The following LRIF1 variants were observed in gnomAD, a reference collection of about 807,000 sequenced individuals.
The protein encoded by LRIF1 is ligand dependent nuclear receptor interacting factor 1, also known as ligand-dependent nuclear receptor-interacting factor 1.
Under a neutral mutation model 52.7 loss-of-function variants are expected in LRIF1, and 32 were observed. That is an observed-to-expected ratio of 0.61 (90% CI 0.46 to 0.82). The LOEUF is 0.82. Ranked by LOEUF, LRIF1 falls within the 40% of genes least tolerant of loss-of-function variation. LRIF1 has a pLI of 0.00. For synonymous variants in LRIF1, 323 were observed against 317.4 expected (o/e 1.02, Z -0.19); for missense variants, 887 against 892.0 (o/e 0.99, Z 0.07).
At chr1:110,933,234 G>A in the LRIF1 span, among the ~76,000 whole-genome samples, 20 of 152,194 alleles carry the variant, frequency 1.3e-4, no homozygotes, top group East Asian at 3.3e-3. Context: ...TTCTCATGTT[G>A]AGAATGTTGT....
chr1:110,963,859 C>G lies in LRIF1; in HGVS notation c.-171G>C, dbSNP rs1360139818. 39 of 506,372 alleles carry G rather than the reference C, an allele frequency of 7.7e-5. No homozygotes were observed. 31.4% of individuals were successfully genotyped at this position (506,372 alleles called of 1,614,324 possible). ...ACAGCGGGCTCTCGAGAGGGTGTAT[C>G]CCCAGGCTTCGGGACGAGGTCGCGC... On this transcript the variant is annotated 5_prime_UTR_variant, in exon 1 of 4. Coordinates refer to ENST00000369763, the MANE Select transcript of LRIF1 (RefSeq NM_018372.4).
the LRIF1 span, chr1:110,891,529 C>CTTCAGTAGAGGAATGAGGAG: frequency 7.5e-7 from 1 of 1,326,830 alleles, no homozygotes; most frequent in Non-Finnish European, 1.1e-6. Flanking sequence ...AAGCTCTCCT[C>CTTCAGTAGAGGAATGAGGAG]ATTCCTCTAC....
At chr1:110,906,966 T>G in the LRIF1 span, among the ~76,000 whole-genome samples, 2 of 152,228 alleles carry the variant, frequency 1.3e-5, no homozygotes, top group Non-Finnish European at 2.9e-5. Context: ...TATAATAGTT[T>G]ATGTTGTTTC....
chr1:110,902,479 G>A, the LRIF1 span, among the ~76,000 whole-genome samples: 379 of 32,330 alleles, frequency 0.012, 1 homozygote, highest in African/African-American at 0.035. Context: ...TGATCAAATC[G>A]AACTAAATCA....
At chr1:110,886,674 C>A in the LRIF1 span, among the ~76,000 whole-genome samples, 1 of 151,740 alleles carries the variant, frequency 6.6e-6, no homozygotes, top group Non-Finnish European at 1.5e-5. Context: ...CATGGTGAAA[C>A]CCTGTCTCTA....
In LRIF1 at chr1:110,951,593, T is replaced by G; in HGVS notation, c.1291A>C (p.Asn431His). The G allele has an allele frequency of 6.2e-7, 1 of 1,614,114 alleles. No individual in the cohort carries two copies. ...SSQMETKSLS[N>H]TQLASMANLR... ...TTGGCCATGGAAGCAAGCTGGGTAT[T>G]GGAAAGTGATTTTGTCTCCATCTGG... Residue 431 changes from asparagine (N) to histidine (H), a missense_variant, in exon 2 of 4, where the codon AAT (asparagine) becomes CAT (histidine). Coordinates refer to ENST00000369763, the MANE Select transcript of LRIF1 (RefSeq NM_018372.4).
chr1:110,955,908 C>T (rs982216832), intron 1 of LRIF1, among the ~76,000 whole-genome samples: 1 of 152,030 alleles, frequency 6.6e-6, no homozygotes, highest in East Asian at 1.9e-4. Context: ...GAGAAGGAGG[C>T]AGGAAATGGA....
chr1:110,951,884 T>A lies in LRIF1; in HGVS notation c.1000A>T (p.Met334Leu), dbSNP rs1293539116. The A allele has an allele frequency of 3.7e-6, 6 of 1,613,832 alleles. No homozygotes were observed. The East Asian group carries it at 1.3e-4, about 36-fold the overall frequency. ...GGATCGATGGTACTCAATGGTGGCA[T>A]ATTTATAGTATTATCTCCCAAATTT... ...RKNLGDNTIN[M>L]PPLSTIDPSG... Residue 334 changes from methionine to leucine, a missense_variant, in exon 2 of 4, where the codon ATG (methionine) becomes TTG (leucine). Coordinates refer to ENST00000369763, the MANE Select transcript of LRIF1 (RefSeq NM_018372.4).
chr1:110,886,869 A>ATATATATTTT, the LRIF1 span, among the ~76,000 whole-genome samples: 6,125 of 82,192 alleles, frequency 0.075, 297 homozygotes, highest in Middle Eastern at 0.097. Context: ...ATATATATAT[A>ATATATATTTT]TTTTTTTTTT....
chr1:110,917,642 GT>G, the LRIF1 span, among the ~76,000 whole-genome samples: 2 of 81,754 alleles, frequency 2.4e-5, no homozygotes, highest in African/African-American at 1.1e-4. Flanking sequence ...TTGTTTTTTT[GT>G]TTTTGTTTTT....
chr1:110,912,730 A>G, the LRIF1 span, among the ~76,000 whole-genome samples: 4 of 152,260 alleles, frequency 2.6e-5, no homozygotes, highest in African/African-American at 9.6e-5. Flanking sequence ...AGGAACAATC[A>G]ATATTGTTAA....
chr1:110,929,748 A>G, the LRIF1 span, among the ~76,000 whole-genome samples: 1 of 152,200 alleles, frequency 6.6e-6, no homozygotes, highest in African/African-American at 2.4e-5. Context: ...TCCTCAGCAA[A>G]CTAACGCAGG....
the LRIF1 span, among the ~76,000 whole-genome samples, chr1:110,890,423 C>T: frequency 1.3e-5 from 2 of 152,008 alleles, no homozygotes; most frequent in South Asian, 2.1e-4. Flanking sequence ...AAAAATTATC[C>T]GGGCATGATG....
downstream of LRIF1, among the ~76,000 whole-genome samples, chr1:110,946,564 C>T (rs926158133): frequency 1.4e-5 from 2 of 147,266 alleles, no homozygotes; most frequent in African/African-American, 2.5e-5. Context: ...TATTTCACTT[C>T]TTTACAGTAT....
chr1:110,952,300 G>C lies in LRIF1; in HGVS notation c.584C>G (p.Ser195Cys), dbSNP rs1312619262. The change falls in exon 2 of 4, where the codon TCT becomes TGT. Residue 195 changes from serine (S) to cysteine (C), a missense_variant. Coordinates refer to ENST00000369763, the MANE Select transcript of LRIF1 (RefSeq NM_018372.4). The stretch of plus-strand genomic sequence containing the variant: ...AGGAGGCAATGATGACGCTGGTACA[G>C]ATTTCACTTCAGCATGGGCTGGAAT... The part of the protein sequence containing the change: ...LQIPAHAEVK[S>C]VPASSLPPSV... 6.2e-7 allele frequency: 1 copy of C among 1,614,138 alleles called. No individual in the cohort carries two copies. Among genetic ancestry groups the C allele is most frequent in the Non-Finnish European group, 8.5e-7 (1 of 1,180,000 alleles).
At chr1:110,943,869 C>A (rs528472758), downstream of LRIF1, 2 of 152,294 alleles carry the variant, frequency 1.3e-5, no homozygotes, top group Admixed American at 1.3e-4. Context: ...ATTTCAACTT[C>A]TTTATCTAAA....
the LRIF1 span, chr1:110,937,989 A>G: frequency 6.6e-6 from 1 of 152,108 alleles, no homozygotes; most frequent in Non-Finnish European, 1.5e-5. Context: ...AGACACATAT[A>G]ATGTTCCAAG....
the LRIF1 span, among the ~76,000 whole-genome samples, chr1:110,889,703 G>A: frequency 5.7e-4 from 87 of 152,128 alleles, no homozygotes; most frequent in African/African-American, 1.5e-3. Context: ...GTGTTGGCCC[G>A]TTTTACATAG....
the LRIF1 span, among the ~76,000 whole-genome samples, chr1:110,902,517 A>AT: frequency 9.5e-6 from 1 of 104,772 alleles, no homozygotes; most frequent in Non-Finnish European, 2.1e-5. Context: ...AAAAAAAAAA[A>AT]AAAGAAATAC....
Sources: allele counts gnomAD v4.1 joint callset (sites outside exome capture counted in the v4.1 genomes callset), GRCh38; gene constraint gnomAD v4.1.1; transcripts MANE v1.5; gene names NCBI Gene and HGNC (gene_info 2026-07-23, HGNC 2026-07-21).